PTPRD: variants seen among roughly 807,000 people sequenced by gnomAD.
PTPRD encodes protein tyrosine phosphatase receptor type D, also known as receptor-type tyrosine-protein phosphatase delta.
PTPRD carries 34 observed loss-of-function variants against 214.5 expected under a neutral mutation model. The ratio of observed to expected loss-of-function variants is 0.16; its 90% confidence interval spans 0.12 to 0.21. The LOEUF (loss-of-function observed/expected upper bound fraction) is 0.21, where lower values mean the gene tolerates loss of function less well. PTPRD is among the 10% of genes least tolerant of loss of function. The pLI is 1.00. For synonymous variants in PTPRD, 1,128 were observed against 845.7 expected (o/e 1.33, Z -5.79); for missense variants, 2,545 against 2,398.7 (o/e 1.06, Z -1.27).
In PTPRD at chr9:9,450,757, G is replaced by T. The variant is rs1057358879; in HGVS notation, c.-236-53275C>A. On this transcript the variant is annotated intron_variant, in intron 8 of 45. Coordinates refer to ENST00000381196, the MANE Select transcript of PTPRD (RefSeq NM_002839.4). ...TTAATTGTACATATTATGGGGGGGG[G>T]TGTGTGTGTCCCTGTAAAATTATCT... Among the ~76,000 whole-genome samples the T allele has an allele frequency of 2.9e-5, 4 of 135,684 alleles. No homozygotes were observed. In the South Asian group the frequency reaches 9.3e-4, roughly 32 times the overall value. The allele number at this position is 135,684 out of a possible 152,430, so 89.0% of individuals were successfully genotyped here. A position where few individuals can be genotyped will look rare whatever the true frequency, so the allele number is the denominator to read the frequency against.
intron 6 of PTPRD, among the ~76,000 whole-genome samples, chr9:9,738,439 C>CTATTT (rs2098339212): frequency 1.3e-5 from 1 of 76,518 alleles, no homozygotes; most frequent in Non-Finnish European, 2.3e-5. Context: ...CACTCACTCA[C>CTATTT]TTTTTTTTTT....
chr9:10,163,822 T>C (rs1035595917), intron 3 of PTPRD, among the ~76,000 whole-genome samples: 6 of 151,564 alleles, frequency 4.0e-5, no homozygotes, highest in Non-Finnish European at 8.9e-5. Flanking sequence ...CCAAGTCATA[T>C]GTTCAACAAT....
At chr9:10,437,847 G>A (rs76646020) in intron 2 of PTPRD, among the ~76,000 whole-genome samples, 1,670 of 150,196 alleles carry the variant, frequency 0.011, 38 homozygotes, top group African/African-American at 0.039. Context: ...TTTTCTAGTG[G>A]CTTATGGCCC....
intron 11 of PTPRD, among the ~76,000 whole-genome samples, chr9:8,774,195 T>C (rs1317749355): frequency 1.3e-5 from 2 of 152,206 alleles, no homozygotes; most frequent in Non-Finnish European, 2.9e-5. Context: ...ATATCTTAAC[T>C]GGGATGATAC....
intron 10 of PTPRD, among the ~76,000 whole-genome samples, chr9:9,100,321 G>T (rs1202513676): frequency 6.6e-6 from 1 of 152,038 alleles, no homozygotes; most frequent in African/African-American, 2.4e-5. Flanking sequence ...TTCCATTTTG[G>T]CATCAGAATT....
intron 3 of PTPRD, among the ~76,000 whole-genome samples, chr9:10,169,473 C>CAAAAAAAA (rs59335943): frequency 0.014 from 915 of 66,752 alleles, 16 homozygotes; most frequent in Admixed American, 0.028. Context: ...GACTCTGTCT[C>CAAAAAAAA]AAAAAAAAAA....
chr9:9,232,300 T>C (rs564427156), intron 9 of PTPRD, among the ~76,000 whole-genome samples: 1 of 152,330 alleles, frequency 6.6e-6, no homozygotes, highest in African/African-American at 2.4e-5. Flanking sequence ...CATTATTACA[T>C]GCTGTGAGAA....
At chr9:9,780,944 C>T (rs1027733845) in intron 5 of PTPRD, among the ~76,000 whole-genome samples, 1 of 152,128 alleles carries the variant, frequency 6.6e-6, no homozygotes, top group African/African-American at 2.4e-5. Context: ...AAAATCTGTG[C>T]ACTGTATATT....
At chr9:8,598,820 C>T (rs1189127117) in intron 14 of PTPRD, among the ~76,000 whole-genome samples, 1 of 152,182 alleles carries the variant, frequency 6.6e-6, no homozygotes, top group Non-Finnish European at 1.5e-5. Context: ...GGTTATCAAT[C>T]TATGAGCCAA....
At chr9:8,536,570 A>C (rs1475345769) in intron 14 of PTPRD, among the ~76,000 whole-genome samples, 1 of 152,008 alleles carries the variant, frequency 6.6e-6, no homozygotes, top group East Asian at 1.9e-4. Context: ...GAAATGGAAG[A>C]GTGTGAAAAG....
At chr9:8,648,624 G>A (rs769773509) in intron 12 of PTPRD, among the ~76,000 whole-genome samples, 1 of 152,146 alleles carries the variant, frequency 6.6e-6, no homozygotes, top group African/African-American at 2.4e-5. Context: ...CTGTGCATCC[G>A]TTTTGTTCAA....
chr9:8,764,546 C>T (rs529178685), intron 11 of PTPRD, among the ~76,000 whole-genome samples: 2 of 152,100 alleles, frequency 1.3e-5, no homozygotes, highest in East Asian at 3.9e-4. Flanking sequence ...TCCTACAATC[C>T]CAGCACTTAG....
intron 5 of PTPRD, among the ~76,000 whole-genome samples, chr9:9,922,729 G>C (rs1398327508): frequency 6.6e-6 from 1 of 151,890 alleles, no homozygotes; most frequent in Non-Finnish European, 1.5e-5. Flanking sequence ...TAGAACATAA[G>C]ACAAACCAAA....
chr9:8,775,875 T>A (rs1234924731), intron 11 of PTPRD, among the ~76,000 whole-genome samples: 1 of 150,652 alleles, frequency 6.6e-6, no homozygotes. Flanking sequence ...TCTGCAGGAA[T>A]GAAGAATAGT....
At chr9:9,575,335 TATTTG>T (rs1435101833) in intron 7 of PTPRD, among the ~76,000 whole-genome samples, 1 of 152,140 alleles carries the variant, frequency 6.6e-6, no homozygotes, top group Non-Finnish European at 1.5e-5. Flanking sequence ...TTATTTAAGA[TATTTG>T]ATTTAATAAT....
intron 5 of PTPRD, among the ~76,000 whole-genome samples, chr9:9,897,098 C>A (rs1398567721): frequency 6.8e-6 from 1 of 147,930 alleles, no homozygotes; most frequent in African/African-American, 2.5e-5. Context: ...GTAAACACTT[C>A]CCTGTCATTA....
At chr9:8,964,436 G>T (rs760868694) in intron 11 of PTPRD, among the ~76,000 whole-genome samples, 4 of 149,902 alleles carry the variant, frequency 2.7e-5, no homozygotes, top group Non-Finnish European at 5.9e-5. Flanking sequence ...TGCTTATTTA[G>T]ATCTTCTCTT....
chr9:10,292,874 G>A (rs1034788462), intron 3 of PTPRD, among the ~76,000 whole-genome samples: 1 of 151,596 alleles, frequency 6.6e-6, no homozygotes, highest in African/African-American at 2.4e-5. Flanking sequence ...TATAATGTGT[G>A]TATATAAATT....
At chr9:9,410,496 T>C (rs1344607432) in intron 8 of PTPRD, among the ~76,000 whole-genome samples, 2 of 152,108 alleles carry the variant, frequency 1.3e-5, no homozygotes, top group African/African-American at 4.8e-5. Flanking sequence ...GCATTCCCCA[T>C]TGGGAAGAAA....
Sources: allele counts gnomAD v4.1 joint callset (sites outside exome capture counted in the v4.1 genomes callset), GRCh38; gene constraint gnomAD v4.1.1; transcripts MANE v1.5; gene names NCBI Gene and HGNC (gene_info 2026-07-23, HGNC 2026-07-21).